CDH8: variants seen among roughly 807,000 people sequenced by gnomAD.
The protein encoded by CDH8 is cadherin-8.
Under a neutral mutation model 68.1 loss-of-function variants are expected in CDH8, and 17 were observed. The observed-to-expected ratio is 0.25, with a 90% confidence interval of 0.17 to 0.37. The LOEUF (loss-of-function observed/expected upper bound fraction) is 0.37, where lower values mean the gene tolerates loss of function less well. Among genes scored for constraint, CDH8 ranks in the 10% least tolerant of loss-of-function variants. The pLI is 1.00. For missense variants in CDH8, 763 were observed against 999.3 expected, an observed-to-expected ratio of 0.76 and a Z score of 3.19; for synonymous variants, 372 against 365.1, an observed-to-expected ratio of 1.02 and a Z score of -0.21.
At chr16:61,832,335 G>GATAC (rs777565282) in intron 4 of CDH8, among the ~76,000 whole-genome samples, 1 of 97,276 alleles carries the variant, frequency 1.0e-5, no homozygotes, top group Non-Finnish European at 2.1e-5. Flanking sequence ...ATAGATAATA[G>GATAC]ATAGATAGAT....
At chr16:61,910,600 A>T (rs1382518321) in intron 2 of CDH8, among the ~76,000 whole-genome samples, 1 of 152,172 alleles carries the variant, frequency 6.6e-6, no homozygotes, top group African/African-American at 2.4e-5. Context: ...AGATAGTTTA[A>T]TAACAGTACT....
At chr16:61,664,002 T>G (rs1963619855) in intron 10 of CDH8, among the ~76,000 whole-genome samples, 2 of 152,020 alleles carry the variant, frequency 1.3e-5, no homozygotes, top group African/African-American at 4.8e-5. Context: ...AGCCTCTGTC[T>G]TGTTCTCCAG....
chr16:61,879,075 T>G (rs1963517966), intron 3 of CDH8, among the ~76,000 whole-genome samples: 1 of 152,188 alleles, frequency 6.6e-6, no homozygotes, highest in African/African-American at 2.4e-5. Context: ...AAGATGTGAA[T>G]CTTATATTTC....
At chr16:61,884,434 C>T (rs984299250) in intron 3 of CDH8, among the ~76,000 whole-genome samples, 1 of 149,100 alleles carries the variant, frequency 6.7e-6, no homozygotes, top group Non-Finnish European at 1.5e-5. Context: ...AGAGCAGTGG[C>T]GTGATCTCGG....
chr16:61,865,770 G>A (rs1349016583), intron 3 of CDH8, among the ~76,000 whole-genome samples: 2 of 152,044 alleles, frequency 1.3e-5, no homozygotes, highest in Non-Finnish European at 2.9e-5. Flanking sequence ...TCAAACCTTT[G>A]CTAATTTGTT....
chr16:61,820,890 A>T (rs780385659), intron 6 of CDH8, 36 bp downstream of exon 6: 2 of 1,563,070 alleles, frequency 1.3e-6, no homozygotes, highest in East Asian at 2.3e-5. Context: ...TTTCAACAAG[A>T]TATTTTGAAG....
At chr16:61,691,459 A>G (rs533268565) in intron 10 of CDH8, among the ~76,000 whole-genome samples, 2 of 151,802 alleles carry the variant, frequency 1.3e-5, no homozygotes, top group South Asian at 4.2e-4. Context: ...AGAGGTCTCA[A>G]TCTCCTAAAA....
chr16:61,714,068 C>A, intron 9 of CDH8, 110 bp from the exon 10 acceptor site: 1 of 734,306 alleles, frequency 1.4e-6, no homozygotes, highest in Non-Finnish European at 2.4e-6. Flanking sequence ...CTCAGAGACT[C>A]TTTTTCAGCT....
intron 2 of CDH8, among the ~76,000 whole-genome samples, chr16:61,935,960 C>T (rs182138287): frequency 1.3e-5 from 2 of 152,034 alleles, no homozygotes; most frequent in East Asian, 1.9e-4. Context: ...AGGTTTACAG[C>T]ACAAGCTCTG....
Position 61,932,218 on chromosome 16 carries a change from A to AAAAAAAGAAAAG in CDH8, c.253-30746_253-30745insCTTTTCTTTTTT, listed in dbSNP as rs577005665. Among the ~76,000 whole-genome samples, 370 of 146,868 alleles carry AAAAAAAGAAAAG rather than the reference A, an allele frequency of 2.5e-3. 4 individuals carry two copies. The highest frequency in any genetic ancestry group is 7.9e-3 in the African/African-American group (306 of 38,930). On this transcript the variant is annotated intron_variant, in intron 2 of 11. Transcript: ENST00000577390. ...GCAAAACTCCGTCTCAAAAAAAAAA[A>AAAAAAAGAAAAG]AAAAGAAAAGAAAAGAAAAAGCACA...
At chr16:61,765,829 A>G (rs1346574415) in intron 8 of CDH8, among the ~76,000 whole-genome samples, 1 of 151,970 alleles carries the variant, frequency 6.6e-6, no homozygotes, top group African/African-American at 2.4e-5. Context: ...AACAAACTAA[A>G]TCTAGATACC....
intron 2 of CDH8, among the ~76,000 whole-genome samples, chr16:61,915,831 G>A (rs1283240149): frequency 4.6e-5 from 7 of 152,120 alleles, no homozygotes; most frequent in Non-Finnish European, 1.5e-5. Context: ...CTTTCAAGAA[G>A]AATAAGCTTT....
At chr16:61,657,409 T>C (rs535645068) in intron 10 of CDH8, among the ~76,000 whole-genome samples, 118 of 152,230 alleles carry the variant, frequency 7.8e-4, no homozygotes, top group African/African-American at 2.5e-3. Context: ...TTAACAATTG[T>C]TTTCTGAACT....
At chr16:61,758,770 T>A (rs1450312424) in intron 8 of CDH8, among the ~76,000 whole-genome samples, 1 of 152,010 alleles carries the variant, frequency 6.6e-6, no homozygotes, top group African/African-American at 2.4e-5. Flanking sequence ...TAAGAAAGAG[T>A]CTCAGTTCAT....
At chr16:61,689,164 A>T (rs1484364701) in intron 10 of CDH8, among the ~76,000 whole-genome samples, 3 of 152,044 alleles carry the variant, frequency 2.0e-5, no homozygotes, top group Admixed American at 1.3e-4. Context: ...TTCACAGTTT[A>T]AGAAACTGTC....
intron 2 of CDH8, among the ~76,000 whole-genome samples, chr16:61,959,131 T>C (rs752698573): frequency 4.6e-5 from 7 of 152,080 alleles, no homozygotes; most frequent in Non-Finnish European, 7.4e-5. Context: ...CCCATCTCCA[T>C]CTCTCACCTT....
At chr16:61,687,831 T>C (rs1205951265) in intron 10 of CDH8, among the ~76,000 whole-genome samples, 1 of 152,060 alleles carries the variant, frequency 6.6e-6, no homozygotes, top group Admixed American at 6.6e-5. Context: ...TTTGATTGCA[T>C]AGCATCTGTA....
chr16:61,884,372 T>C (rs886311144), intron 3 of CDH8, among the ~76,000 whole-genome samples: 2 of 151,292 alleles, frequency 1.3e-5, no homozygotes, highest in South Asian at 4.2e-4. Context: ...ACCTTTCTTA[T>C]GATTTTTTTT....
intron 2 of CDH8, among the ~76,000 whole-genome samples, chr16:61,911,430 A>G (rs1964160348): frequency 6.6e-6 from 1 of 152,146 alleles, no homozygotes; most frequent in East Asian, 1.9e-4. Flanking sequence ...CAAGAACCAC[A>G]GTGTCTATCG....
Sources: gnomAD v4.1 joint callset for allele counts (sites outside exome capture counted in the v4.1 genomes callset) on GRCh38, gnomAD v4.1.1 for gene constraint, MANE v1.5 for transcripts, NCBI Gene and HGNC (gene_info 2026-07-23, HGNC 2026-07-21) for gene names.